Variants in ELMO1 observed in about 807,000 individuals in gnomAD.
The protein encoded by ELMO1 is engulfment and cell motility protein 1.
Under a neutral mutation model 98.9 loss-of-function variants are expected in ELMO1, and 26 were observed. That is an observed-to-expected ratio of 0.26 (90% confidence interval 0.19 to 0.36). ELMO1 has a LOEUF of 0.36. ELMO1 is among the 10% of genes least tolerant of loss of function. The pLI, the probability that ELMO1 is intolerant of heterozygous loss-of-function variation, is 1.00. For synonymous variants in ELMO1, 346 were observed against 346.0 expected (o/e 1.00, Z 0.00); for missense variants, 627 against 935.2 (o/e 0.67, Z 4.30).
At chr7:37,320,705 C>T (rs2131134906) in intron 2 of ELMO1, among the ~76,000 whole-genome samples, 1 of 152,284 alleles carries the variant, frequency 6.6e-6, no homozygotes, top group African/African-American at 2.4e-5. Context: ...TAGCCTTCCC[C>T]ACCCCTCAGT....
intron 13 of ELMO1, among the ~76,000 whole-genome samples, chr7:37,191,630 C>G (rs913984616): frequency 6.6e-6 from 1 of 152,008 alleles, no homozygotes; most frequent in Non-Finnish European, 1.5e-5. Flanking sequence ...AAAATGTTAT[C>G]TGGCATCGGC....
intron 14 of ELMO1, among the ~76,000 whole-genome samples, chr7:37,117,947 A>G (rs1423629785): frequency 1.3e-5 from 2 of 152,214 alleles, no homozygotes; most frequent in East Asian, 3.8e-4. Flanking sequence ...ATATAATTTT[A>G]TTTTTAAAAA....
chr7:37,317,766 C>T lies in ELMO1; in HGVS notation c.79-1806G>A, dbSNP rs185501496. On this transcript the variant is annotated intron_variant, in intron 2 of 21. Coordinates refer to ENST00000310758, the MANE Select transcript of ELMO1 (RefSeq NM_014800.11). ...TGATAAGACCTAGTATTTGGTAGCA[C>T]AACAGGGTGACTATAGTCAATAATT... Among the ~76,000 whole-genome samples, 7 of 152,200 alleles carry T rather than the reference C, an allele frequency of 4.6e-5. No homozygotes were observed. In the East Asian group the frequency reaches 1.2e-3, roughly 25 times the overall value.
intron 6 of ELMO1, among the ~76,000 whole-genome samples, chr7:37,247,116 T>C (rs999756563): frequency 3.3e-5 from 5 of 152,226 alleles, no homozygotes; most frequent in Non-Finnish European, 7.3e-5. Flanking sequence ...AAATGTAATA[T>C]AGAGGGAAAC....
chr7:37,121,524 A>T (rs1786037989), intron 14 of ELMO1, among the ~76,000 whole-genome samples: 1 of 152,236 alleles, frequency 6.6e-6, no homozygotes, highest in Non-Finnish European at 1.5e-5. Context: ...AAAGGGTATC[A>T]GCGATGGAAG....
intron 4 of ELMO1, among the ~76,000 whole-genome samples, chr7:37,303,142 C>T (rs552564341): frequency 1.2e-4 from 18 of 152,130 alleles, no homozygotes; most frequent in Non-Finnish European, 2.4e-4. Flanking sequence ...GTTTATAGAG[C>T]ACTGTGCTAG....
chr7:37,268,169 A>G (rs1005351707), intron 5 of ELMO1, among the ~76,000 whole-genome samples: 1 of 152,232 alleles, frequency 6.6e-6, no homozygotes. Context: ...CTCAGACTCT[A>G]TGCCCACAGC....
intron 15 of ELMO1, among the ~76,000 whole-genome samples, chr7:37,063,298 T>G (rs1796765220): frequency 6.6e-6 from 1 of 152,196 alleles, no homozygotes; most frequent in African/African-American, 2.4e-5. Context: ...TTTAAATCAA[T>G]AAGCAGCTTT....
At chr7:36,949,052 C>T (rs931216845) in intron 16 of ELMO1, among the ~76,000 whole-genome samples, 1 of 152,154 alleles carries the variant, frequency 6.6e-6, no homozygotes, top group African/African-American at 2.4e-5. Context: ...GAAGGGGTTT[C>T]ACCATGTTGG....
chr7:37,416,376 G>A (rs1387039476), intron 1 of ELMO1, among the ~76,000 whole-genome samples: 5 of 152,146 alleles, frequency 3.3e-5, no homozygotes, highest in Non-Finnish European at 7.3e-5. Flanking sequence ...AGAATCTCAG[G>A]AATCCCATTC....
At chr7:37,329,728 G>A (rs545112686) in intron 2 of ELMO1, among the ~76,000 whole-genome samples, 49 of 152,250 alleles carry the variant, frequency 3.2e-4, no homozygotes, top group African/African-American at 1.0e-3. Flanking sequence ...GATCCTTCCA[G>A]TTGTTCATAC....
chr7:37,234,759 T>G lies in ELMO1; in HGVS notation c.450-1565A>C, dbSNP rs534193289. Among the ~76,000 whole-genome samples, 282 of 152,308 alleles carry G rather than the reference T, an allele frequency of 1.9e-3. 1 individual carries two copies. The highest frequency in any genetic ancestry group is 6.6e-3 in the African/African-American group (276 of 41,582). The stretch of plus-strand genomic sequence containing the variant: ...GAGAAATGAAAACAAGCAAACATGC[T>G]TAAAGCCCTCCAAATGCTGTGCAGT... On this transcript the variant is annotated intron_variant, in intron 7 of 21. Transcript: ENST00000310758.
chr7:37,415,648 C>T (rs1434690292), intron 1 of ELMO1, among the ~76,000 whole-genome samples: 1 of 152,108 alleles, frequency 6.6e-6, no homozygotes, highest in African/African-American at 2.4e-5. Flanking sequence ...ATGTTTCTTG[C>T]TGTGATTGTA....
Position 36,855,674 on chromosome 7 carries a change from G to A in ELMO1, c.2061C>T (p.Asp687=), listed in dbSNP as rs371172929. The A allele has an allele frequency of 2.3e-5, 37 of 1,614,024 alleles. No homozygotes were observed. Among genetic ancestry groups the A allele is most frequent in the Non-Finnish European group, 3.1e-5 (37 of 1,180,016 alleles). The change falls in exon 22 of 22, where the codon GAC becomes GAT. Residue 687 remains aspartate (D), a synonymous_variant. Transcript: ENST00000310758. This position sits in a 1 kb window ranked among gnomAD's most constrained non-coding sequence, Gnocchi z 4.2. Reference sequence around the variant, plus strand: ...GCTTGATTTCCATGCTGAGCAGGGTGTCCAGGTCATTCCGCGTCAGGTCGC... The same window carrying A: ...GCTTGATTTCCATGCTGAGCAGGGTATCCAGGTCATTCCGCGTCAGGTCGC... ...MMSDLTRNDL[D]TLLSMEIKLR...
At chr7:37,106,919 G>A (rs1185191576) in intron 14 of ELMO1, among the ~76,000 whole-genome samples, 3 of 152,190 alleles carry the variant, frequency 2.0e-5, no homozygotes, top group South Asian at 2.1e-4. Context: ...CTCAGTAGGT[G>A]TGGGTTGGGA....
Position 37,349,674 on chromosome 7 carries a change from G to A in ELMO1, c.-73-6911C>T, listed in dbSNP as rs10279078. On this transcript the variant is annotated intron_variant, in intron 1 of 21. Coordinates refer to ENST00000310758, the MANE Select transcript of ELMO1 (RefSeq NM_014800.11). ...TCACCATGTTGGCCAGGCTGGTCTC[G>A]AACTCCTGACCTCAGGTGATCTGCC... Among the ~76,000 whole-genome samples, 12 of 151,982 alleles carry A rather than the reference G, an allele frequency of 7.9e-5. No homozygotes were observed. In the East Asian group the frequency reaches 1.6e-3, roughly 20 times the overall value.
chr7:37,167,984 C>T (rs1390761252), intron 13 of ELMO1, among the ~76,000 whole-genome samples: 101 of 152,054 alleles, frequency 6.6e-4, no homozygotes, highest in Admixed American at 5.2e-3. Flanking sequence ...ACCAATCAGA[C>T]GTAGATTTGG....
At chr7:37,360,357 G>C (rs1222944922) in intron 1 of ELMO1, among the ~76,000 whole-genome samples, 1 of 151,282 alleles carries the variant, frequency 6.6e-6, no homozygotes, top group East Asian at 1.9e-4. Flanking sequence ...AATTCACTTA[G>C]GTGCAAGAGA....
intron 16 of ELMO1, among the ~76,000 whole-genome samples, chr7:36,898,836 A>G (rs943188591): frequency 6.6e-6 from 1 of 152,244 alleles, no homozygotes; most frequent in Non-Finnish European, 1.5e-5. Flanking sequence ...ATGAGCTCTC[A>G]GCCTGGGACA....
Sources: gnomAD v4.1 joint callset for allele counts (sites outside exome capture counted in the v4.1 genomes callset) on GRCh38, gnomAD v4.1.1 for gene constraint, Gnocchi (gnomAD v3.1) non-coding constraint, MANE v1.5 for transcripts, NCBI Gene and HGNC (gene_info 2026-07-23, HGNC 2026-07-21) for gene names.